Variants in ULK4 observed in about 807,000 individuals in gnomAD.
ULK4 encodes the protein inactive serine/threonine-protein kinase ULK4.
In ULK4, 133 loss-of-function variants were observed where a neutral mutation model predicts 160.6. That is an observed-to-expected ratio of 0.83 (90% CI 0.72 to 0.96). ULK4 has a LOEUF of 0.96. Ranked by LOEUF, ULK4 falls within the 40% of genes least tolerant of loss-of-function variation. ULK4 has a pLI of 0.00. For synonymous variants in ULK4, 534 were observed against 539.8 expected (o/e 0.99, Z 0.15); for missense variants, 1,580 against 1,499.5 (o/e 1.05, Z -0.89).
chr3:41,929,520 G>T (rs1420668358), intron 5 of ULK4, among the ~76,000 whole-genome samples: 1 of 152,100 alleles, frequency 6.6e-6, no homozygotes, highest in Non-Finnish European at 1.5e-5. Context: ...AGAAATAAAG[G>T]GTATTCAAAT....
chr3:41,599,017 G>A (rs1430426160), intron 31 of ULK4, among the ~76,000 whole-genome samples: 38 of 152,196 alleles, frequency 2.5e-4, no homozygotes, highest in Admixed American at 2.5e-3. Context: ...TCCTTTGCCT[G>A]TGGCACCCTT....
chr3:41,412,341 A>G (rs1337681869), intron 34 of ULK4, among the ~76,000 whole-genome samples: 1 of 151,936 alleles, frequency 6.6e-6, no homozygotes, highest in African/African-American at 2.4e-5. Flanking sequence ...GTTGTTCCCA[A>G]TATTTTCCCC....
intron 32 of ULK4, among the ~76,000 whole-genome samples, chr3:41,553,702 ACAT>A (rs1224080310): frequency 6.6e-6 from 1 of 152,110 alleles, no homozygotes; most frequent in African/African-American, 2.4e-5. Flanking sequence ...GTGTGTGAAT[ACAT>A]AGTAGGTATA....
At position 41,286,428 on chromosome 3, in the gene ULK4, T is replaced by A. The variant is rs189390494; in HGVS notation, c.3679-36854A>T. On this transcript the variant is annotated intron_variant, in intron 35 of 36. Coordinates refer to ENST00000301831, the MANE Select transcript of ULK4 (RefSeq NM_017886.4). ...AGATATGTCCAGCCTAAGACGGATA[T>A]GACAAGCCCACCATATGCTATGGGG... Among the ~76,000 whole-genome samples the A allele has an allele frequency of 3.0e-3, 453 of 152,208 alleles. 16 individuals are homozygous for A. Among genetic ancestry groups the A allele is most frequent in the Admixed American group, 0.028 (423 of 15,298 alleles).
chr3:41,293,524 C>T (rs1352373317), intron 35 of ULK4, among the ~76,000 whole-genome samples: 1 of 152,158 alleles, frequency 6.6e-6, no homozygotes, highest in Admixed American at 6.5e-5. Context: ...CAACATGTTA[C>T]AGGCTGTAAC....
Position 41,615,770 on chromosome 3 carries a change from A to G in ULK4, c.3072-53T>C, listed in dbSNP as rs2032933248. 2.1e-5 allele frequency: 32 copies of G among 1,535,792 alleles called. No individual in the cohort carries two copies. The South Asian group carries it at 3.6e-4, about 17-fold the overall frequency. On this transcript the variant is annotated intron_variant, in intron 30 of 36. Transcript: ENST00000301831. ...TGCACATTAGACAATTCATATTTGC[A>G]CTGATGGCCTGATATAAAGCACCTC...
chr3:41,253,022 A>G (rs542269673), intron 35 of ULK4, among the ~76,000 whole-genome samples: 1 of 152,292 alleles, frequency 6.6e-6, no homozygotes, highest in South Asian at 2.1e-4. Flanking sequence ...ACCAAACTAA[A>G]GTTATATACC....
At position 41,266,665 on chromosome 3, in the gene ULK4, G is replaced by C. The variant is rs142071135; in HGVS notation, c.3679-17091C>G. 7.5e-3 allele frequency among the ~76,000 whole-genome samples: 1,139 copies of C among 152,328 alleles called. 18 individuals carry two copies. The highest frequency in any genetic ancestry group is 0.026 in the African/African-American group (1,094 of 41,568). ...AAAAAGGCTGTTTTCAGTTGGGTTA[G>C]AGTGTAAATAGCATACAAGTGCTTC... On this transcript the variant is annotated intron_variant, in intron 35 of 36. Transcript: ENST00000301831.
intron 35 of ULK4, among the ~76,000 whole-genome samples, chr3:41,353,694 T>TAATA (rs1559540339): frequency 2.0e-5 from 2 of 102,260 alleles, no homozygotes; most frequent in African/African-American, 9.0e-5. Context: ...TAATAATAAT[T>TAATA]ACAATTACTA....
intron 29 of ULK4, among the ~76,000 whole-genome samples, chr3:41,673,062 ACTCCTGGCCTCAAG>A (rs2035590288): frequency 6.6e-6 from 1 of 151,694 alleles, no homozygotes; most frequent in Admixed American, 6.6e-5. Context: ...CTGGTCTCAA[ACTCCTGGCCTCAAG>A]CAATCTGCCT....
Position 41,893,507 on chromosome 3 carries a change from G to C in ULK4, c.1577+2011C>G, listed in dbSNP as rs115419377. On this transcript the variant is annotated intron_variant, in intron 16 of 36. Coordinates refer to ENST00000301831, the MANE Select transcript of ULK4 (RefSeq NM_017886.4). ...TTAAGAGTATTTCAGCAATTTTTCAGAAGTCACAAAAATATTTACTGCCTT... is the reference window on the plus strand; with the variant it reads ...TTAAGAGTATTTCAGCAATTTTTCACAAGTCACAAAAATATTTACTGCCTT... 5.6e-3 allele frequency among the ~76,000 whole-genome samples: 854 copies of C among 152,108 alleles called. 7 individuals carry two copies. The highest frequency in any genetic ancestry group is 0.019 in the African/African-American group (801 of 41,520).
intron 1 of ULK4, among the ~76,000 whole-genome samples, chr3:41,958,440 G>A (rs751740383): frequency 1.1e-4 from 17 of 151,760 alleles, no homozygotes; most frequent in Non-Finnish European, 1.9e-4. Flanking sequence ...GGTGGCTCAC[G>A]CCTGTAATCC....
intron 5 of ULK4, among the ~76,000 whole-genome samples, chr3:41,920,844 C>A: frequency 6.6e-6 from 1 of 152,110 alleles, no homozygotes; most frequent in Non-Finnish European, 1.5e-5. Context: ...TTGTACACAT[C>A]GATGGAAGGT....
chr3:41,699,473 C>A (rs1391615469), intron 27 of ULK4, among the ~76,000 whole-genome samples: 1 of 152,198 alleles, frequency 6.6e-6, no homozygotes, highest in East Asian at 1.9e-4. Context: ...TTCCCCTTTG[C>A]TATTAATAAT....
At chr3:41,657,834 A>AAAAAAAAAAAAAAAAAAAC (rs1553628520) in intron 30 of ULK4, among the ~76,000 whole-genome samples, 8 of 150,072 alleles carry the variant, frequency 5.3e-5, no homozygotes, top group African/African-American at 2.0e-4. Flanking sequence ...AAAAAAAAAA[A>AAAAAAAAAAAAAAAAAAAC]ACACACACCA....
intron 35 of ULK4, among the ~76,000 whole-genome samples, chr3:41,323,438 A>ACACACT (rs1278298101): frequency 6.8e-6 from 1 of 147,624 alleles, no homozygotes. Context: ...ACACACACAC[A>ACACACT]CCAAAAACCA....
At chr3:41,305,756 G>C (rs139357049) in intron 35 of ULK4, among the ~76,000 whole-genome samples, 1 of 141,138 alleles carries the variant, frequency 7.1e-6, no homozygotes, top group Non-Finnish European at 1.5e-5. Flanking sequence ...CCCGGCCGCC[G>C]TCCCACCTAG....
At position 41,521,241 on chromosome 3, in the gene ULK4, C is replaced by T. The variant is rs543050809; in HGVS notation, c.3226+44784G>A. Reference sequence around the variant, plus strand: ...TTTCCTACCAGCTAGCATTACTCAACCTAACAGTCCTCTGTCAGTAGGTTC... The same window carrying T: ...TTTCCTACCAGCTAGCATTACTCAATCTAACAGTCCTCTGTCAGTAGGTTC... On this transcript the variant is annotated intron_variant, in intron 32 of 36. Transcript: ENST00000301831. Among the ~76,000 whole-genome samples the T allele has an allele frequency of 5.9e-5, 9 of 152,266 alleles. No homozygotes were observed. In the East Asian group the frequency reaches 1.7e-3, roughly 29 times the overall value.
At chr3:41,431,951 G>A (rs1012601404) in intron 34 of ULK4, among the ~76,000 whole-genome samples, 2 of 151,590 alleles carry the variant, frequency 1.3e-5, no homozygotes, top group East Asian at 1.9e-4. Context: ...CACCACGCCC[G>A]GCTAATTTTT....
Sources: allele counts gnomAD v4.1 joint callset (sites outside exome capture counted in the v4.1 genomes callset), GRCh38; gene constraint gnomAD v4.1.1; transcripts MANE v1.5; gene names NCBI Gene and HGNC (gene_info 2026-07-23, HGNC 2026-07-21).